TRANK1: variants seen among roughly 807,000 people sequenced by gnomAD.
The protein encoded by TRANK1 is TPR and ankyrin repeat-containing protein 1.
A neutral mutation model predicts 266.0 loss-of-function variants in TRANK1; 198 were observed. That is an observed-to-expected ratio of 0.74 (90% CI 0.66 to 0.84). The LOEUF (loss-of-function observed/expected upper bound fraction) is 0.84, where lower values mean the gene tolerates loss of function less well. Among genes scored for constraint, TRANK1 ranks in the 40% least tolerant of loss-of-function variants. The probability of loss-of-function intolerance (pLI) is 0.00; values close to 1 mark genes in which losing one functional copy is unlikely to be tolerated. For missense variants in TRANK1, 3,326 were observed against 3,634.6 expected (o/e 0.92, Z 2.18); for synonymous variants, 1,396 against 1,384.1 (o/e 1.01, Z -0.19).
At chr3:36,852,044 G>A (rs996988423) in intron 14 of TRANK1, 102 bp downstream of exon 14, 35 of 1,382,474 alleles carry the variant, frequency 2.5e-5, no homozygotes, top group Non-Finnish European at 3.2e-5. Context: ...TGTGGGACAG[G>A]GACTATTTTT....
intron 7 of TRANK1, among the ~76,000 whole-genome samples, chr3:36,891,477 T>TA (rs1472511076): frequency 1.3e-5 from 2 of 152,166 alleles, no homozygotes; most frequent in African/African-American, 2.4e-5. Context: ...GGGGAGATGA[T>TA]ACAGCCTACA....
chr3:36,910,451 A>G (rs1303916093), intron 1 of TRANK1, among the ~76,000 whole-genome samples: 5 of 152,186 alleles, frequency 3.3e-5, no homozygotes, highest in Admixed American at 2.6e-4. Flanking sequence ...TTTTAAAATC[A>G]TGTTGTGGCT....
intron 1 of TRANK1, among the ~76,000 whole-genome samples, chr3:36,916,979 C>A (rs1205949568): frequency 6.6e-6 from 1 of 151,942 alleles, no homozygotes; most frequent in African/African-American, 2.4e-5. Flanking sequence ...CCACGCCTGG[C>A]TAATTTTTTA....
chr3:36,851,878 T>C lies in TRANK1; in HGVS notation c.4750-22A>G. On this transcript the variant is annotated intron_variant, in intron 14 of 23. Transcript: ENST00000645898. Reference sequence around the variant, plus strand: ...TTACCTGAAGAAAAACAAAAGAACATCAAATTCTACAGAGAAAACCCCAGT... The same window carrying C: ...TTACCTGAAGAAAAACAAAAGAACACCAAATTCTACAGAGAAAACCCCAGT... The C allele has an allele frequency of 1.9e-6, 3 of 1,571,916 alleles. No individual in the cohort carries two copies. In the South Asian group the frequency reaches 3.6e-5, roughly 19 times the overall value.
At position 36,908,203 on chromosome 3, in the gene TRANK1, G is replaced by A; in HGVS notation, c.155+120C>T. 5.4e-6 allele frequency: 6 copies of A among 1,108,500 alleles called. No individual in the cohort carries two copies. The South Asian group carries it at 2.4e-4, about 44-fold the overall frequency. The allele number at this position is 1,108,500 out of a possible 1,614,324, so 68.7% of individuals were successfully genotyped here. ...GCTGACAATGCAGAGAAGATAAATAGGAAGTGAGCAATAAAGAAAACAGAA... is the reference window on the plus strand; with the variant it reads ...GCTGACAATGCAGAGAAGATAAATAAGAAGTGAGCAATAAAGAAAACAGAA... On this transcript the variant is annotated intron_variant, in intron 2 of 23. Transcript: ENST00000645898.
chr3:36,843,803 G>A (rs979763514), intron 17 of TRANK1, among the ~76,000 whole-genome samples: 16 of 152,258 alleles, frequency 1.1e-4, no homozygotes, highest in African/African-American at 3.1e-4. Flanking sequence ...GCAAAAACAC[G>A]TTAAGCATCA....
At chr3:36,925,815 A>ACCTCATGAT (rs1245419509) in intron 1 of TRANK1, among the ~76,000 whole-genome samples, 1 of 152,016 alleles carries the variant, frequency 6.6e-6, no homozygotes, top group Non-Finnish European at 1.5e-5. Flanking sequence ...TGATCTCCTG[A>ACCTCATGAT]CCTCATGATC....
Position 36,903,231 on chromosome 3 carries a change from T to C in TRANK1, c.200A>G (p.Asn67Ser). Residue 67 changes from asparagine to serine, a missense_variant, in exon 3 of 24, where the codon AAT becomes AGT. Transcript: ENST00000645898. ...CCACTTCCCAAGGCTGAAAAATGCATTTGATTTGTTGCACAGCAGCACAGC... is the reference window on the plus strand; with the variant it reads ...CCACTTCCCAAGGCTGAAAAATGCACTTGATTTGTTGCACAGCAGCACAGC... ...DLAVLLCNKS[N>S]AFFSLGKWNE... The C allele has an allele frequency of 6.5e-7, 1 of 1,537,318 alleles. No homozygotes were observed. The highest frequency in any genetic ancestry group is 8.7e-7 in the Non-Finnish European group (1 of 1,146,930).
intron 1 of TRANK1, among the ~76,000 whole-genome samples, chr3:36,939,062 A>G (rs1440918563): frequency 6.6e-6 from 1 of 151,522 alleles, no homozygotes; most frequent in Admixed American, 6.6e-5. Context: ...GCTGGAACCC[A>G]GGAGGTGGAG....
intron 4 of TRANK1, among the ~76,000 whole-genome samples, chr3:36,896,765 C>A (rs1022012963): frequency 6.6e-6 from 1 of 152,120 alleles, no homozygotes; most frequent in Non-Finnish European, 1.5e-5. Context: ...GAGGCCAAGG[C>A]GGGCAGATCA....
At chr3:36,943,653 A>G (rs1477295311) in intron 1 of TRANK1, among the ~76,000 whole-genome samples, 1 of 151,172 alleles carries the variant, frequency 6.6e-6, no homozygotes, top group South Asian at 2.1e-4. Context: ...TTTTTTCTAT[A>G]AAGGACCAAA....
intron 1 of TRANK1, among the ~76,000 whole-genome samples, chr3:36,931,085 T>C (rs2080354736): frequency 6.6e-6 from 1 of 152,130 alleles, no homozygotes; most frequent in Middle Eastern, 3.2e-3. Flanking sequence ...AGCAACTGAC[T>C]CTACTTCTGG....
intron 8 of TRANK1, among the ~76,000 whole-genome samples, chr3:36,887,163 T>C (rs1406991323): frequency 2.0e-5 from 3 of 152,122 alleles, no homozygotes; most frequent in Admixed American, 6.6e-5. Context: ...TAGAGATACG[T>C]AAAGAGGGCA....
chr3:36,861,350 A>G (rs2079139517), intron 10 of TRANK1, among the ~76,000 whole-genome samples, 190 bp from the exon 11 acceptor site: 1 of 152,186 alleles, frequency 6.6e-6, no homozygotes, highest in African/African-American at 2.4e-5. Flanking sequence ...GGAAGATCAG[A>G]AATACCCTAT....
Position 36,856,092 on chromosome 3 carries a change from A to T in TRANK1, c.3630T>A (p.Ile1210=), listed in dbSNP as rs767001978. 3.7e-6 allele frequency: 6 copies of T among 1,613,694 alleles called. No homozygotes were observed. Among genetic ancestry groups the T allele is most frequent in the Non-Finnish European group, 5.1e-6 (6 of 1,179,870 alleles). The part of the protein sequence containing the change: ...VLCQEVQRNF[I]ELSKSTKATS... ...TGGCCTTGGTGGACTTGGAAAGCTC[A>T]ATGAAATTCCTTTGTACCTCCTGGC... is the stretch of plus-strand genomic sequence containing the variant. The change falls in exon 13 of 24, where the codon ATT becomes ATA. Residue 1210 remains isoleucine, a synonymous_variant. Transcript: ENST00000645898.
chr3:36,850,542 G>A, intron 15 of TRANK1: 4 of 975,920 alleles, frequency 4.1e-6, no homozygotes, highest in Non-Finnish European at 4.9e-6. Flanking sequence ...GCCAAGGCAG[G>A]AAGATTACTT....
chr3:36,921,423 G>A lies in TRANK1; in HGVS notation c.24-12969C>T, dbSNP rs13321653. ...TTATGTTCCAGTGCTATTTCCTTGC[G>A]GCACCGAAAATTTATTTGTAACATT... On this transcript the variant is annotated intron_variant, in intron 1 of 23. Coordinates refer to ENST00000645898, the MANE Select transcript of TRANK1 (RefSeq NM_001329998.2). Among the ~76,000 whole-genome samples the A allele has an allele frequency of 4.2e-3, 642 of 152,180 alleles. 5 individuals carry two copies. The highest frequency in any genetic ancestry group is 0.015 in the African/African-American group (614 of 41,500).
At chr3:36,874,099 C>A in intron 9 of TRANK1, 27 bp downstream of exon 9, 2 of 1,522,984 alleles carry the variant, frequency 1.3e-6, no homozygotes, top group South Asian at 1.2e-5. Context: ...TTATGCCCCC[C>A]AAAAGTTAAT....
intron 9 of TRANK1, among the ~76,000 whole-genome samples, chr3:36,865,303 G>A (rs2079200432): frequency 6.6e-6 from 1 of 152,120 alleles, no homozygotes; most frequent in Admixed American, 6.5e-5. Flanking sequence ...TGGGATTACA[G>A]GCGTGAGCCA....
Sources: gnomAD v4.1 joint callset for allele counts (sites outside exome capture counted in the v4.1 genomes callset) on GRCh38, gnomAD v4.1.1 for gene constraint, MANE v1.5 for transcripts, NCBI Gene and HGNC (gene_info 2026-07-23, HGNC 2026-07-21) for gene names.